The following PATJ variants were observed in gnomAD, a reference collection of about 807,000 sequenced individuals.
PATJ encodes inaD-like protein.
In PATJ, 190 loss-of-function variants were observed where a neutral mutation model predicts 224.9. The ratio of observed to expected loss-of-function variants is 0.84; its 90% confidence interval spans 0.75 to 0.95. PATJ has a LOEUF of 0.95. PATJ is among the 40% of genes least tolerant of loss of function. The pLI, the probability that PATJ is intolerant of heterozygous loss-of-function variation, is 0.00. For synonymous variants in PATJ, 769 were observed against 820.3 expected (o/e 0.94, Z 1.07); for missense variants, 2,121 against 2,270.3 (o/e 0.93, Z 1.34).
Position 61,809,481 on chromosome 1 carries a change from G to A in PATJ, c.1683+951G>A, listed in dbSNP as rs141312259. Among the ~76,000 whole-genome samples, 197 of 151,126 alleles carry A rather than the reference G, an allele frequency of 1.3e-3. 3 individuals carry two copies. The East Asian group carries it at 0.033, about 25-fold the overall frequency. On this transcript the variant is annotated intron_variant, in intron 14 of 43. Transcript: ENST00000642238. The stretch of plus-strand genomic sequence containing the variant: ...TGGCTCACCGCAACCTCTGCCTCCC[G>A]GGTTCAAGCGATTCTCCTGCCTCAG...
rs1487060660 is a variant in PATJ, at chr1:62,002,726, A to AG, written c.3867+12362_3867+12363insG. ...CTCTGTCTCAAAAAAAAAAAAAAAAAAAAAAAAAGAGAGAGAGAAACTGGA... is the reference window on the plus strand; with the variant it reads ...CTCTGTCTCAAAAAAAAAAAAAAAAAGAAAAAAAAGAGAGAGAGAAACTGGA... On this transcript the variant is annotated intron_variant, in intron 28 of 43. Transcript: ENST00000642238. Among the ~76,000 whole-genome samples the AG allele has an allele frequency of 8.2e-3, 1,192 of 146,052 alleles. 10 individuals carry two copies. The highest frequency in any genetic ancestry group is 0.03 in the African/African-American group (1,114 of 37,294).
intron 22 of PATJ, among the ~76,000 whole-genome samples, chr1:61,886,747 G>A (rs193078997): frequency 3.6e-4 from 54 of 150,430 alleles, no homozygotes; most frequent in East Asian, 1.6e-3. Flanking sequence ...TTGAACCTGG[G>A]AGGTGGAGGT....
intron 27 of PATJ, among the ~76,000 whole-genome samples, chr1:61,978,063 T>A (rs569745849): frequency 6.6e-6 from 1 of 151,946 alleles, no homozygotes; most frequent in Non-Finnish European, 1.5e-5. Context: ...TTGTGCCTCC[T>A]CTGATTGACT....
chr1:61,747,979 C>G (rs1294502091), intron 1 of PATJ, among the ~76,000 whole-genome samples: 1 of 152,216 alleles, frequency 6.6e-6, no homozygotes, highest in Non-Finnish European at 1.5e-5. Flanking sequence ...CTCCTGGGTT[C>G]AAGTGATTCT....
intron 27 of PATJ, among the ~76,000 whole-genome samples, chr1:61,936,720 C>T (rs1033776906): frequency 2.0e-5 from 3 of 151,936 alleles, no homozygotes; most frequent in Admixed American, 6.6e-5. Flanking sequence ...TACAGGCACA[C>T]ACCACCACAC....
At chr1:62,091,871 C>T (rs1011219245) in intron 33 of PATJ, among the ~76,000 whole-genome samples, 2 of 152,034 alleles carry the variant, frequency 1.3e-5, no homozygotes, top group South Asian at 4.1e-4. Context: ...GCCTGGCCAA[C>T]ATGGCAAAAC....
chr1:61,762,977 C>T, intron 2 of PATJ, 36 bp from the exon 3 acceptor site: 1 of 1,564,040 alleles, frequency 6.4e-7, no homozygotes, highest in Non-Finnish European at 8.7e-7. Flanking sequence ...TCAAATGGGA[C>T]TTAACTATTA....
At chr1:62,107,515 C>T (rs1233840587) in intron 33 of PATJ, among the ~76,000 whole-genome samples, 1 of 152,034 alleles carries the variant, frequency 6.6e-6, no homozygotes, top group Non-Finnish European at 1.5e-5. Context: ...GGTGGGCAAG[C>T]TCAATTTAAT....
chr1:61,959,626 G>A (rs1294612141), intron 27 of PATJ, among the ~76,000 whole-genome samples: 1 of 151,114 alleles, frequency 6.6e-6, no homozygotes, highest in African/African-American at 2.4e-5. Flanking sequence ...ATTCTTTGTA[G>A]AGATGGGGTC....
chr1:61,847,940 GT>G (rs10707299), intron 17 of PATJ, among the ~76,000 whole-genome samples: 102,939 of 151,852 alleles, frequency 0.68, 35,862 homozygotes, highest in East Asian at 0.88. Context: ...GTATTTTGTT[GT>G]TTTTTTTTAT....
At chr1:61,911,695 T>TTATATATATA (rs141530445) in intron 25 of PATJ, among the ~76,000 whole-genome samples, 1,415 of 140,530 alleles carry the variant, frequency 0.01, 37 homozygotes, top group African/African-American at 0.035. Context: ...CTATATATTT[T>TTATATATATA]TATATATATA....
At chr1:62,119,368 G>A (rs1195722238) in intron 37 of PATJ, among the ~76,000 whole-genome samples, 1 of 152,154 alleles carries the variant, frequency 6.6e-6, no homozygotes, top group Non-Finnish European at 1.5e-5. Context: ...AAAAAATCAG[G>A]ATCTTGTAGG....
chr1:61,978,346 A>G (rs1644263541), intron 27 of PATJ, among the ~76,000 whole-genome samples: 2 of 150,988 alleles, frequency 1.3e-5, no homozygotes, highest in Non-Finnish European at 2.9e-5. Flanking sequence ...GCTCACTGCA[A>G]CCTCTGTCTC....
rs567550418 is a variant in PATJ, at chr1:62,022,036, CA to C, written c.3959+4091del. On this transcript the variant is annotated intron_variant, in intron 29 of 43. Coordinates refer to ENST00000642238, the MANE Select transcript of PATJ (RefSeq NM_001350145.3). ...GAAAATTTTGGCTTTTATACCTTGA[CA>C]ACTGTTTTTCAAATGTATTGACAAT... Among the ~76,000 whole-genome samples, 146 of 152,226 alleles carry C rather than the reference CA, an allele frequency of 9.6e-4. 1 individual carries two copies. The South Asian group carries it at 0.03, about 31-fold the overall frequency.
At chr1:62,061,958 C>T (rs1014703457) in intron 31 of PATJ, among the ~76,000 whole-genome samples, 16 of 152,212 alleles carry the variant, frequency 1.1e-4, no homozygotes, top group East Asian at 1.9e-4. Context: ...CGCACCAAGA[C>T]TTACACCACA....
At chr1:61,819,471 A>G (rs1353217324) in intron 14 of PATJ, among the ~76,000 whole-genome samples, 1 of 152,120 alleles carries the variant, frequency 6.6e-6, no homozygotes, top group Non-Finnish European at 1.5e-5. Flanking sequence ...ACTTCATCCT[A>G]TATTTCCAGC....
intron 41 of PATJ, among the ~76,000 whole-genome samples, chr1:62,145,718 G>A (rs1194791558): frequency 6.6e-6 from 1 of 151,816 alleles, no homozygotes; most frequent in Non-Finnish European, 1.5e-5. Flanking sequence ...CACTTTGGGA[G>A]GCCAAGGCGG....
intron 28 of PATJ, among the ~76,000 whole-genome samples, chr1:61,994,666 T>C (rs1645255737): frequency 6.6e-6 from 1 of 152,140 alleles, no homozygotes; most frequent in Non-Finnish European, 1.5e-5. Context: ...GCAATTCTCC[T>C]GCCTCAGCCT....
At chr1:62,072,266 C>T (rs536014637) in intron 31 of PATJ, among the ~76,000 whole-genome samples, 1 of 152,222 alleles carries the variant, frequency 6.6e-6, no homozygotes, top group African/African-American at 2.4e-5. Flanking sequence ...CTTTATCCCC[C>T]AGTATTTTCT....
Sources: allele counts gnomAD v4.1 joint callset (sites outside exome capture counted in the v4.1 genomes callset), GRCh38; gene constraint gnomAD v4.1.1; transcripts MANE v1.5; gene names NCBI Gene and HGNC (gene_info 2026-07-23, HGNC 2026-07-21).